HMCN1: variants seen among roughly 807,000 people sequenced by gnomAD.
The protein encoded by HMCN1 is hemicentin 1.
In HMCN1, 321 loss-of-function variants were observed where a neutral mutation model predicts 625.9. The observed-to-expected ratio is 0.51, with a 90% confidence interval of 0.47 to 0.56. The LOEUF (loss-of-function observed/expected upper bound fraction) is 0.56. Among genes scored for constraint, HMCN1 ranks in the 20% least tolerant of loss-of-function variants. HMCN1 has a pLI of 0.00. For missense variants in HMCN1, 6,588 were observed against 6,887.3 expected (o/e 0.96, Z 1.54); for synonymous variants, 2,425 against 2,417.6 (o/e 1.00, Z -0.09).
intron 97 of HMCN1, among the ~76,000 whole-genome samples, chr1:186,157,389 A>G (rs888358006): frequency 2.0e-5 from 3 of 152,248 alleles, no homozygotes; most frequent in Non-Finnish European, 2.9e-5. Context: ...TCATAATAAC[A>G]TTACACATTT....
At chr1:186,145,350 C>T in intron 91 of HMCN1, 53 bp from the exon 92 acceptor site, 1 of 1,486,194 alleles carries the variant, frequency 6.7e-7, no homozygotes, top group East Asian at 2.3e-5. Flanking sequence ...TCATTGTTGA[C>T]CACTTCTCAT....
chr1:186,110,977 C>CTTTTTTTTTT lies in HMCN1; in HGVS notation c.10990-1823_10990-1814dup, dbSNP rs557887846. On this transcript the variant is annotated intron_variant, in intron 71 of 106. Transcript: ENST00000271588. ...TACGGAAGAAAAACCAGAGAAAATT[C>CTTTTTTTTTT]TTTTTTTTTTTTTTTTTTTTTGAGA... Among the ~76,000 whole-genome samples, 87 of 61,626 alleles carry CTTTTTTTTTT rather than the reference C, an allele frequency of 1.4e-3. 24 individuals are homozygous for CTTTTTTTTTT. The highest frequency in any genetic ancestry group is 6.6e-3 in the African/African-American group (67 of 10,184). 40.4% of individuals were successfully genotyped at this position (61,626 alleles called of 152,430 possible).
At chr1:185,908,446 G>T (rs567944628) in intron 4 of HMCN1, among the ~76,000 whole-genome samples, 1 of 151,846 alleles carries the variant, frequency 6.6e-6, no homozygotes, top group Non-Finnish European at 1.5e-5. Flanking sequence ...TAAAAGATAC[G>T]TAAACCAGAG....
At chr1:186,116,648 A>C (rs1407119318) in intron 75 of HMCN1, among the ~76,000 whole-genome samples, 2 of 152,180 alleles carry the variant, frequency 1.3e-5, no homozygotes, top group Non-Finnish European at 2.9e-5. Flanking sequence ...TCTGATGCCC[A>C]GTAAACAGTG....
chr1:186,038,242 A>G (rs1655967512), intron 37 of HMCN1, among the ~76,000 whole-genome samples: 1 of 152,170 alleles, frequency 6.6e-6, no homozygotes, highest in East Asian at 1.9e-4. Flanking sequence ...TTATTTAAAC[A>G]ATGTAGAAAT....
chr1:186,063,391 A>AGG (rs1468682854), intron 48 of HMCN1, among the ~76,000 whole-genome samples: 1 of 143,804 alleles, frequency 7.0e-6, no homozygotes, highest in East Asian at 2.3e-4. Context: ...AAAGAAAAGA[A>AGG]GGGAAGAAAG....
At position 186,087,524 on chromosome 1, in the gene HMCN1, G is replaced by A; in HGVS notation, c.9242G>A (p.Cys3081Tyr). ...VREGTSVSLE[C>Y]ESNAVPPPVI... ...GAGGGAACTTCTGTGTCTTTGGAGTGTGAGTCGAACGCTGTGCCACCTCCA... is the reference window on the plus strand; with the variant it reads ...GAGGGAACTTCTGTGTCTTTGGAGTATGAGTCGAACGCTGTGCCACCTCCA... The change falls in exon 60 of 107, where the codon TGT becomes TAT. Residue 3081 changes from cysteine (C) to tyrosine (Y), a missense_variant. This residue lies in a region of HMCN1 where 4,628 missense variants were observed against 4,853.1 expected (regional missense o/e 0.95). Coordinates refer to ENST00000271588, the MANE Select transcript of HMCN1 (RefSeq NM_031935.3). 6.2e-7 allele frequency: 1 copy of A among 1,613,322 alleles called. No homozygotes were observed. Among genetic ancestry groups the A allele is most frequent in the Non-Finnish European group, 8.5e-7 (1 of 1,179,496 alleles).
Position 186,106,959 on chromosome 1 carries a change from G to C in HMCN1, c.10846G>C (p.Val3616Leu). The C allele has an allele frequency of 6.2e-7, 1 of 1,604,866 alleles. No homozygotes were observed. The highest frequency in any genetic ancestry group is 8.5e-7 in the Non-Finnish European group (1 of 1,171,568). Residue 3616 changes from valine (V) to leucine (L), a missense_variant, in exon 70 of 107, where the codon GTG (valine) becomes CTG (leucine). Val to Leu is a conservative substitution (Grantham distance 32, BLOSUM62 1). Coordinates refer to ENST00000271588, the MANE Select transcript of HMCN1 (RefSeq NM_031935.3). ...TGATGATAAGGAATATCTAGTGAGAGTGCATGGTAAATTTGACAAAATATC... is the reference window on the plus strand; with the variant it reads ...TGATGATAAGGAATATCTAGTGAGACTGCATGGTAAATTTGACAAAATATC... ...GDDDKEYLVRVHVPPNIAGTD... is the reference protein window; with the variant it reads ...GDDDKEYLVRLHVPPNIAGTD...
Position 185,988,800 on chromosome 1 carries a change from A to T in HMCN1, c.3049-688A>T, listed in dbSNP as rs567084493. On this transcript the variant is annotated intron_variant, in intron 20 of 106. Transcript: ENST00000271588. ...CCTCTCCCATGCTTTGATACTCTAA[A>T]CTGCAAAATGAGGGTTGTGGTAGTT... 1.2e-4 allele frequency among the ~76,000 whole-genome samples: 19 copies of T among 152,198 alleles called. 1 individual carries two copies. In the South Asian group the frequency reaches 3.5e-3, roughly 28 times the overall value.
At chr1:185,844,235 A>G (rs952003825) in intron 1 of HMCN1, among the ~76,000 whole-genome samples, 1 of 152,122 alleles carries the variant, frequency 6.6e-6, no homozygotes, top group Non-Finnish European at 1.5e-5. Context: ...CATTTTCCAT[A>G]TACTTGGGAC....
chr1:185,825,425 C>T (rs2102277141), intron 1 of HMCN1, among the ~76,000 whole-genome samples: 1 of 152,188 alleles, frequency 6.6e-6, no homozygotes, highest in East Asian at 1.9e-4. Context: ...GTTTCGGATG[C>T]CAAGAAAGTA....
intron 71 of HMCN1, among the ~76,000 whole-genome samples, chr1:186,109,513 G>A (rs1039668278): frequency 1.3e-5 from 2 of 152,178 alleles, no homozygotes; most frequent in Admixed American, 1.3e-4. Context: ...TGAGAAGACA[G>A]GTTAGTCAAA....
Position 185,870,169 on chromosome 1 carries a change from G to A in HMCN1, c.621+4306G>A, listed in dbSNP as rs144315218. On this transcript the variant is annotated intron_variant, in intron 4 of 106. Transcript: ENST00000271588. ...AAATCACTGTATGGTATTACATTTT[G>A]GAAACACAATTTACAATACCTCTCA... Among the ~76,000 whole-genome samples, 69 of 151,914 alleles carry A rather than the reference G, an allele frequency of 4.5e-4. No individual in the cohort carries two copies. In the East Asian group the frequency reaches 0.013, roughly 29 times the overall value.
chr1:185,935,401 T>A (rs1011341178), intron 11 of HMCN1, among the ~76,000 whole-genome samples: 2 of 152,042 alleles, frequency 1.3e-5, no homozygotes, highest in African/African-American at 4.8e-5. Context: ...TTAACAGACT[T>A]CTCAAGTAGT....
At chr1:186,155,040 C>G (rs190746251) in intron 97 of HMCN1, among the ~76,000 whole-genome samples, 4 of 152,136 alleles carry the variant, frequency 2.6e-5, no homozygotes, top group African/African-American at 9.7e-5. Flanking sequence ...TCACATTGAC[C>G]TTGTCAATGT....
chr1:186,109,017 C>A (rs1039190012), intron 71 of HMCN1, among the ~76,000 whole-genome samples: 3 of 152,110 alleles, frequency 2.0e-5, no homozygotes, highest in Non-Finnish European at 2.9e-5. Flanking sequence ...ACAAGTGACC[C>A]CAAAGATACC....
chr1:186,017,078 G>T lies in HMCN1; in HGVS notation c.5300+7G>T, dbSNP rs367562861. 5.5e-6 allele frequency: 8 copies of T among 1,449,202 alleles called. No individual in the cohort carries two copies. The highest frequency in any genetic ancestry group is 6.8e-6 in the Non-Finnish European group (7 of 1,030,058). 89.8% of individuals were successfully genotyped at this position (1,449,202 alleles called of 1,614,324 possible). ...CTCCCCCACCAACTATCATGTAAGG[G>T]TTTTGGTATGTCTTCTAAATACCTC... On this transcript the variant is annotated splice_region_variant and intron_variant, in intron 33 of 106. Coordinates refer to ENST00000271588, the MANE Select transcript of HMCN1 (RefSeq NM_031935.3).
intron 1 of HMCN1, among the ~76,000 whole-genome samples, chr1:185,805,053 A>G (rs1659076453): frequency 6.6e-6 from 1 of 152,118 alleles, no homozygotes; most frequent in Non-Finnish European, 1.5e-5. Context: ...TGTATCTTGA[A>G]CCATTTTAAT....
intron 1 of HMCN1, among the ~76,000 whole-genome samples, chr1:185,835,373 G>C (rs1239526775): frequency 6.7e-6 from 1 of 149,910 alleles, no homozygotes; most frequent in East Asian, 2.0e-4. Flanking sequence ...CAGCTCATTG[G>C]TATTTGTGTA....
Sources: gnomAD v4.1 joint callset for allele counts (sites outside exome capture counted in the v4.1 genomes callset) on GRCh38, gnomAD v4.1.1 for gene constraint, gnomAD v4.1.1 regional missense constraint, MANE v1.5 for transcripts, NCBI Gene and HGNC (gene_info 2026-07-23, HGNC 2026-07-21) for gene names.